FAT4: variants seen among roughly 807,000 people sequenced by gnomAD.
FAT4 encodes the protein FAT atypical cadherin 4, also known as protocadherin Fat 4.
Under a neutral mutation model 303.9 loss-of-function variants are expected in FAT4, and 84 were observed. That is an observed-to-expected ratio of 0.28 (90% CI 0.23 to 0.33). FAT4 has a LOEUF of 0.33. FAT4 is among the 10% of genes least tolerant of loss of function. The pLI, the probability that FAT4 is intolerant of heterozygous loss-of-function variation, is 1.00. For missense variants in FAT4, 6,005 were observed against 6,146.8 expected (o/e 0.98, Z 0.77); for synonymous variants, 2,307 against 2,298.8 (o/e 1.00, Z -0.10).
chr4:125,316,376 C>T lies in FAT4; in HGVS notation c.-12-24C>T, dbSNP rs939471227. 7 of 1,557,362 alleles carry T rather than the reference C, an allele frequency of 4.5e-6. No homozygotes were observed. Among genetic ancestry groups the T allele is most frequent in the Admixed American group, 1.9e-5 (1 of 52,592 alleles). On this transcript the variant is annotated intron_variant, in intron 1 of 17. Coordinates refer to ENST00000394329, the MANE Select transcript of FAT4 (RefSeq NM_001291303.3). This position sits in a 1 kb window ranked among gnomAD's most constrained non-coding sequence, Gnocchi z 5.7. ...ATCATTGCGTTTGCTTCACCCCTTC[C>T]TTCTCTTTATCACATCGTTTTAGGG...
intron 7 of FAT4, among the ~76,000 whole-genome samples, chr4:125,419,343 T>C (rs970817931): frequency 3.9e-5 from 6 of 152,140 alleles, no homozygotes; most frequent in Non-Finnish European, 8.8e-5. Context: ...TTATTCTTCA[T>C]TCCTCTTCCT....
rs1727602361 is a variant in FAT4, at chr4:125,490,768, T to A, written c.13952T>A (p.Phe4651Tyr). Reference protein sequence around the residue: ...YKQFRSHTPKFSIQRHSPLGF... With the variant: ...YKQFRSHTPKYSIQRHSPLGF... ...CAGTTCCGCAGCCACACACCAAAAT[T>A]TTCAATCCAGAGGCACAGTCCCCTA... The change falls in exon 18 of 18, where the codon TTT becomes TAT. Residue 4651 changes from phenylalanine (F) to tyrosine (Y), a missense_variant. Physicochemically the swap from Phe to Tyr is conservative, Grantham distance 22. Coordinates refer to ENST00000394329, the MANE Select transcript of FAT4 (RefSeq NM_001291303.3). The A allele has an allele frequency of 6.2e-7, 1 of 1,613,866 alleles. No individual in the cohort carries two copies. The highest frequency in any genetic ancestry group is 1.3e-5 in the African/African-American group (1 of 74,848).
chr4:125,384,318 A>G (rs1179009909), intron 2 of FAT4, among the ~76,000 whole-genome samples: 2 of 152,126 alleles, frequency 1.3e-5, no homozygotes, highest in African/African-American at 4.8e-5. Context: ...TTTTGTATGT[A>G]CTCACCAACA....
rs764162488 is a variant in FAT4, at chr4:125,368,740, T to TGA, written c.5176-30029_5176-30028dup. ...GAAAATATCCAAAACTTTTTTTTTT[T>TGA]GAGAGAGAGAGAGAGAAAGAGAAAG... On this transcript the variant is annotated intron_variant, in intron 2 of 17. Coordinates refer to ENST00000394329, the MANE Select transcript of FAT4 (RefSeq NM_001291303.3). Among the ~76,000 whole-genome samples, 909 of 150,800 alleles carry TGA rather than the reference T, an allele frequency of 6.0e-3. 2 individuals are homozygous for TGA. The highest frequency in any genetic ancestry group is 9.3e-3 in the Non-Finnish European group (629 of 67,602).
At chr4:125,437,400 A>G (rs1159330589) in intron 8 of FAT4, among the ~76,000 whole-genome samples, 3 of 152,194 alleles carry the variant, frequency 2.0e-5, no homozygotes, top group Non-Finnish European at 4.4e-5. Context: ...GGACAGAATG[A>G]ATTATTTGCA....
At chr4:125,434,180 A>C in intron 7 of FAT4, 65 bp from the exon 8 acceptor site, 1 of 1,483,812 alleles carries the variant, frequency 6.7e-7, no homozygotes, top group South Asian at 1.2e-5. Context: ...GTCTACAGCT[A>C]ATTTTTGTTA....
intron 2 of FAT4, among the ~76,000 whole-genome samples, chr4:125,363,128 T>C (rs1732733600): frequency 6.6e-6 from 1 of 152,104 alleles, no homozygotes; most frequent in Admixed American, 6.6e-5. Flanking sequence ...ACAATAAAAA[T>C]TGTATACAAG....
At chr4:125,394,489 T>C (rs1328132574) in intron 2 of FAT4, among the ~76,000 whole-genome samples, 1 of 152,172 alleles carries the variant, frequency 6.6e-6, no homozygotes, top group Non-Finnish European at 1.5e-5. Flanking sequence ...AGAAATAATA[T>C]TGTAGACTTT....
At chr4:125,405,507 C>T (rs1734562316) in intron 3 of FAT4, among the ~76,000 whole-genome samples, 1 of 150,908 alleles carries the variant, frequency 6.6e-6, no homozygotes, top group African/African-American at 2.4e-5. Flanking sequence ...TTTTTATATA[C>T]TTGTTGGCCT....
At chr4:125,420,261 A>G (rs1315354032) in intron 7 of FAT4, among the ~76,000 whole-genome samples, 1 of 152,170 alleles carries the variant, frequency 6.6e-6, no homozygotes, top group Non-Finnish European at 1.5e-5. Flanking sequence ...ATCCTTCTCT[A>G]TCAGATTTCC....
intron 12 of FAT4, among the ~76,000 whole-genome samples, chr4:125,472,572 A>G (rs1280285826): frequency 1.3e-5 from 2 of 152,168 alleles, no homozygotes; most frequent in African/African-American, 2.4e-5. Flanking sequence ...CACATAACAG[A>G]CAATCTATTA....
chr4:125,451,419 T>C lies in FAT4; in HGVS notation c.10409T>C (p.Leu3470Ser). 6.2e-7 allele frequency: 1 copy of C among 1,614,150 alleles called. No individual in the cohort carries two copies. Reference protein sequence around the residue: ...QTGQITVTAELDRETLPIYNL... With the variant: ...QTGQITVTAESDRETLPIYNL... ...GGACAGATCACCGTTACTGCAGAAT[T>C]AGATCGAGAAACCCTTCCCATCTAT... is the stretch of plus-strand genomic sequence containing the variant. The change falls in exon 10 of 18, where the codon TTA (leucine) becomes TCA (serine). Residue 3470 changes from leucine to serine, a missense_variant. Coordinates refer to ENST00000394329, the MANE Select transcript of FAT4 (RefSeq NM_001291303.3).
Position 125,316,491 on chromosome 4 carries a change from T to G in FAT4, c.80T>G (p.Val27Gly). The G allele has an allele frequency of 6.2e-7, 1 of 1,613,796 alleles. No individual in the cohort carries two copies. Among genetic ancestry groups the G allele is most frequent in the Non-Finnish European group, 8.5e-7 (1 of 1,179,982 alleles). ...CTATCAGTATCTCAGCTCCTTCGAG[T>G]GTTTTGGCTACTGTCATTGCTTCCG... The part of the protein sequence containing the change: ...HTLSVSQLLR[V>G]FWLLSLLPGQ... Residue 27 changes from valine (V) to glycine (G), a missense_variant, in exon 2 of 18, where the codon GTG becomes GGG. Coordinates refer to ENST00000394329, the MANE Select transcript of FAT4 (RefSeq NM_001291303.3). The surrounding 1 kb of genome is among the most constrained non-coding windows in gnomAD (Gnocchi z 5.7).
rs768693221 is a variant in FAT4, at chr4:125,491,657, T to A, written c.14841T>A (p.Asp4947Glu). 6.2e-6 allele frequency: 10 copies of A among 1,614,174 alleles called. No individual in the cohort carries two copies. The highest frequency in any genetic ancestry group is 7.6e-6 in the Non-Finnish European group (9 of 1,180,034). Residue 4947 changes from aspartate (D) to glutamate (E), a missense_variant, in exon 18 of 18, where the codon GAT (aspartate) becomes GAA (glutamate). Asp to Glu is a conservative substitution (Grantham distance 45, BLOSUM62 2). Coordinates refer to ENST00000394329, the MANE Select transcript of FAT4 (RefSeq NM_001291303.3). ...GCCCTGGCTTTGGCCATTATGTAGA[T>A]GTTTTTAAAGATTTGGCATCTCTTC... ...NWGPGFGHYV[D>E]VFKDLASLPE...
At chr4:125,437,181 G>C (rs1725484877) in intron 8 of FAT4, among the ~76,000 whole-genome samples, 1 of 151,996 alleles carries the variant, frequency 6.6e-6, no homozygotes, top group Admixed American at 6.6e-5. Context: ...TACAATTCAG[G>C]GTGAGATTTG....
Position 125,384,142 on chromosome 4 carries a change from A to G in FAT4, c.5176-14642A>G, listed in dbSNP as rs1006212204. Among the ~76,000 whole-genome samples, 5 of 152,192 alleles carry G rather than the reference A, an allele frequency of 3.3e-5. No homozygotes were observed. The East Asian group carries it at 9.6e-4, about 29-fold the overall frequency. Reference sequence around the variant, plus strand: ...ATAATGCTGCTCTGAACATTTGTGTACAAGTTTTTGTGCAAACATGTTTCA... The same window carrying G: ...ATAATGCTGCTCTGAACATTTGTGTGCAAGTTTTTGTGCAAACATGTTTCA... On this transcript the variant is annotated intron_variant, in intron 2 of 17. Coordinates refer to ENST00000394329, the MANE Select transcript of FAT4 (RefSeq NM_001291303.3).
rs752320782 is a variant in FAT4, at chr4:125,416,595, G to T, written c.6991G>T (p.Val2331Phe). 2 of 1,613,710 alleles carry T rather than the reference G, an allele frequency of 1.2e-6. No individual in the cohort carries two copies. The highest frequency in any genetic ancestry group is 2.7e-5 in the African/African-American group (2 of 74,884). Residue 2331 changes from valine (V) to phenylalanine (F), a missense_variant, in exon 7 of 18, where the codon GTC (valine) becomes TTC (phenylalanine). Val to Phe is a conservative substitution (Grantham distance 50, BLOSUM62 -1). Coordinates refer to ENST00000394329, the MANE Select transcript of FAT4 (RefSeq NM_001291303.3). ...GGATCGGGAAACAAAAGAGCGCTTT[G>T]TCTTAATGATTACAGCTACAGATTC... is the stretch of plus-strand genomic sequence containing the variant. ...SLDRETKERF[V>F]LMITATDSGS...
intron 2 of FAT4, among the ~76,000 whole-genome samples, chr4:125,361,746 A>T (rs1343600571): frequency 6.6e-6 from 1 of 152,148 alleles, no homozygotes; most frequent in Non-Finnish European, 1.5e-5. Context: ...GTCCTTATAG[A>T]AAAGTGGTCG....
intron 16 of FAT4, among the ~76,000 whole-genome samples, chr4:125,483,065 G>A (rs770050320): frequency 6.6e-6 from 1 of 152,082 alleles, no homozygotes; most frequent in Admixed American, 6.6e-5. Context: ...ACAACAAAGA[G>A]TTATCTGGCC....
Sources: gnomAD v4.1 joint callset for allele counts (sites outside exome capture counted in the v4.1 genomes callset) on GRCh38, gnomAD v4.1.1 for gene constraint, Gnocchi (gnomAD v3.1) non-coding constraint, MANE v1.5 for transcripts, NCBI Gene and HGNC (gene_info 2026-07-23, HGNC 2026-07-21) for gene names.